The following SRGAP2B variants were observed in gnomAD, a reference collection of about 807,000 sequenced individuals.
SRGAP2B encodes SLIT-ROBO Rho GTPase-activating protein 2B.
Under a neutral mutation model 22.2 loss-of-function variants are expected in SRGAP2B, and 9 were observed. The ratio of observed to expected loss-of-function variants is 0.41; its 90% CI spans 0.24 to 0.71. The LOEUF (loss-of-function observed/expected upper bound fraction) is 0.71, where lower values mean the gene tolerates loss of function less well. Ranked by LOEUF, SRGAP2B falls within the 30% of genes least tolerant of loss-of-function variation. The probability of loss-of-function intolerance (pLI) is 0.35; values close to 1 mark genes in which losing one functional copy is unlikely to be tolerated. For synonymous variants in SRGAP2B, 36 were observed against 87.4 expected (o/e 0.41, Z 3.28); for missense variants, 114 against 235.8 (o/e 0.48, Z 3.38).
At chr1:145,030,195 G>C (rs1481125571) in intron 2 of SRGAP2B, among the ~76,000 whole-genome samples, 1 of 146,868 alleles carries the variant, frequency 6.8e-6, no homozygotes, top group African/African-American at 2.6e-5. Context: ...CTTTGTGACA[G>C]TCTGATTCTA....
At chr1:144,984,121 G>T (rs1273636022) in intron 3 of SRGAP2B, among the ~76,000 whole-genome samples, 1 of 150,374 alleles carries the variant, frequency 6.7e-6, no homozygotes, top group Non-Finnish European at 1.5e-5. Context: ...AGGAGCTCAA[G>T]ACCAACCTGA....
chr1:144,945,517 G>GA (rs1666430422), intron 4 of SRGAP2B, among the ~76,000 whole-genome samples: 1 of 151,832 alleles, frequency 6.6e-6, no homozygotes, highest in African/African-American at 2.4e-5. Flanking sequence ...CTTGAGCACA[G>GA]AAGTTTGAGT....
rs782726712 is a variant in SRGAP2B at position 144,995,099 on chromosome 1, C to T, written c.169G>A (p.Ala57Thr). The change falls in exon 3 of 10, where the codon GCA becomes ACA. Residue 57 changes from alanine (A) to threonine (T), a missense_variant. Physicochemically the swap from Ala to Thr is moderately conservative, Grantham distance 58 (BLOSUM62 0). Transcript: ENST00000612199. ...CGGGAGTAGTCCATCTCAATCTCTG[C>T]CTTCTTTCGGAAGAAGTCCTGGAGG... The T allele has an allele frequency of 1.7e-5, 26 of 1,488,928 alleles. No homozygotes were observed. The South Asian group carries it at 2.8e-4, about 16-fold the overall frequency. 92.2% of individuals were successfully genotyped at this position (1,488,928 alleles called of 1,614,324 possible). A position where few individuals can be genotyped will look rare whatever the true frequency, so the allele number is the denominator to read the frequency against.
chr1:145,019,888 CACCAG>C (rs1236989373), intron 2 of SRGAP2B, among the ~76,000 whole-genome samples: 5 of 150,934 alleles, frequency 3.3e-5, no homozygotes, highest in Non-Finnish European at 7.4e-5. Flanking sequence ...GCCTCATTCC[CACCAG>C]AGCACTCTGC....
chr1:144,902,930 T>A (rs1301835670), intron 7 of SRGAP2B, among the ~76,000 whole-genome samples: 1 of 63,866 alleles, frequency 1.6e-5, no homozygotes, highest in Admixed American at 2.0e-4. Flanking sequence ...TTTTTTTTTT[T>A]AAATGATGAA....
At chr1:145,093,744 G>T (rs1481742714) in intron 1 of SRGAP2B, among the ~76,000 whole-genome samples, 1 of 149,006 alleles carries the variant, frequency 6.7e-6, no homozygotes, top group Non-Finnish European at 1.5e-5. Flanking sequence ...AGCCCCGCCA[G>T]CGCTGGGCAG....
At chr1:144,891,632 G>GAGAT (rs1662120121) in exon 10 of SRGAP2B, 1 of 106,646 alleles carries the variant, frequency 9.4e-6, no homozygotes, top group South Asian at 3.0e-4. Flanking sequence ...AAGAAGACTA[G>GAGAT]AGATACATGA....
chr1:144,953,366 T>G (rs1553609741), intron 4 of SRGAP2B, among the ~76,000 whole-genome samples: 1 of 152,216 alleles, frequency 6.6e-6, no homozygotes. Flanking sequence ...AATGTTCTGT[T>G]TCTTGATCTG....
intron 4 of SRGAP2B, among the ~76,000 whole-genome samples, chr1:144,943,477 T>C (rs1263338521): frequency 9.9e-5 from 15 of 151,506 alleles, no homozygotes; most frequent in Non-Finnish European, 1.5e-5. Context: ...TTCTATAACA[T>C]ACATCTACTA....
chr1:145,072,993 C>A (rs1652255080), intron 2 of SRGAP2B, among the ~76,000 whole-genome samples: 1 of 147,850 alleles, frequency 6.8e-6, no homozygotes, highest in Admixed American at 6.7e-5. Flanking sequence ...TCCCAGCTGA[C>A]CCTCATAAGG....
chr1:145,044,181 G>A (rs1298028037), intron 2 of SRGAP2B, among the ~76,000 whole-genome samples: 26 of 123,400 alleles, frequency 2.1e-4, no homozygotes, highest in African/African-American at 9.4e-4. Flanking sequence ...TCCATGTATG[G>A]TGCAGGATAT....
chr1:144,979,920 G>A (rs1397042466), intron 3 of SRGAP2B, among the ~76,000 whole-genome samples: 1 of 151,094 alleles, frequency 6.6e-6, no homozygotes, highest in Non-Finnish European at 1.5e-5. Context: ...TTTATTTACA[G>A]CATCACAAAA....
At chr1:145,047,205 A>G (rs1160190752) in intron 2 of SRGAP2B, among the ~76,000 whole-genome samples, 1 of 54,750 alleles carries the variant, frequency 1.8e-5, no homozygotes, top group Non-Finnish European at 3.1e-5. Context: ...AAAAAAAAAA[A>G]GAACCAAGGG....
chr1:144,986,899 T>A (rs1669761459), intron 3 of SRGAP2B, among the ~76,000 whole-genome samples: 1 of 151,100 alleles, frequency 6.6e-6, no homozygotes, highest in Non-Finnish European at 1.5e-5. Flanking sequence ...AAGTTATCCA[T>A]CAGCCTTTGT....
At chr1:144,997,444 A>T (rs1382153532) in intron 2 of SRGAP2B, among the ~76,000 whole-genome samples, 1 of 149,998 alleles carries the variant, frequency 6.7e-6, no homozygotes, top group Non-Finnish European at 1.5e-5. Context: ...CAAACAACAA[A>T]AAAAAGAACC....
At chr1:144,957,883 G>A (rs1160517045) in intron 3 of SRGAP2B, among the ~76,000 whole-genome samples, 1 of 148,166 alleles carries the variant, frequency 6.7e-6, no homozygotes. Context: ...CAGATCTCAT[G>A]AGACTTTACA....
Position 144,973,098 on chromosome 1 carries a change from A to T in SRGAP2B, c.261-17497T>A, listed in dbSNP as rs188953958. Among the ~76,000 whole-genome samples the T allele has an allele frequency of 1.4e-4, 20 of 147,122 alleles. 2 individuals carry two copies. Among genetic ancestry groups the T allele is most frequent in the Non-Finnish European group, 1.9e-4 (13 of 67,480 alleles). On this transcript the variant is annotated intron_variant, in intron 3 of 9. Coordinates refer to ENST00000612199, the Ensembl canonical transcript of SRGAP2B. The stretch of plus-strand genomic sequence containing the variant: ...ACTCCAGCCCGGGTGAAAGAGTGAG[A>T]CCCCATCTCAACAAAAAAAAGAATA...
chr1:144,992,286 G>A (rs1228822931), intron 3 of SRGAP2B, among the ~76,000 whole-genome samples: 3 of 150,916 alleles, frequency 2.0e-5, no homozygotes, highest in Non-Finnish European at 4.4e-5. Context: ...AGGGTCCGCG[G>A]CCTCATTCTT....
rs1482250380 is a variant in SRGAP2B at position 145,038,289 on chromosome 1, C to T, written c.68-43089G>A. On this transcript the variant is annotated intron_variant, in intron 2 of 9. Transcript: ENST00000612199. ...GTAAAAGAACGTGGAGGGGTAAGAA[C>T]ATATATTCATATCTCCTTTTACTTA... is the stretch of plus-strand genomic sequence containing the variant. 4.0e-5 allele frequency among the ~76,000 whole-genome samples: 4 copies of T among 100,618 alleles called. 2 individuals are homozygous for T. In the East Asian group the frequency reaches 1.2e-3, roughly 29 times the overall value. 66.0% of individuals were successfully genotyped at this position (100,618 alleles called of 152,430 possible).
Sources: gnomAD v4.1 joint callset for allele counts (sites outside exome capture counted in the v4.1 genomes callset) on GRCh38, gnomAD v4.1.1 for gene constraint, MANE v1.5 for transcripts, NCBI Gene and HGNC (gene_info 2026-07-23, HGNC 2026-07-21) for gene names.